The following P2RY14 variants were observed in gnomAD, a reference collection of about 807,000 sequenced individuals.
P2RY14 encodes the protein purinergic receptor P2Y14.
Under a neutral mutation model 0.9 loss-of-function variants are expected in P2RY14, and 2 were observed. That is an observed-to-expected ratio of 2.16 (90% CI 0.88 to 6.79). The LOEUF (loss-of-function observed/expected upper bound fraction) is 6.79. Ranked by LOEUF, P2RY14 falls within the 30% of genes most tolerant of loss-of-function variation. The probability of loss-of-function intolerance (pLI) is 0.05; values close to 1 mark genes in which losing one functional copy is unlikely to be tolerated. For missense variants in P2RY14, 378 were observed against 400.1 expected, an observed-to-expected ratio of 0.94 and a Z score of 0.47; for synonymous variants, 158 against 147.2, an observed-to-expected ratio of 1.07 and a Z score of -0.53.
intron 1 of P2RY14, among the ~76,000 whole-genome samples, chr3:151,233,012 A>G (rs1310289102): frequency 6.6e-6 from 1 of 152,194 alleles, no homozygotes; most frequent in Non-Finnish European, 1.5e-5. Flanking sequence ...ATTACCAGAC[A>G]GTGTATGTGC....
chr3:151,244,190 C>T (rs1734844330), intron 1 of P2RY14, among the ~76,000 whole-genome samples: 1 of 136,566 alleles, frequency 7.3e-6, no homozygotes, highest in African/African-American at 2.6e-5. Flanking sequence ...ATCCCACTGT[C>T]AACATTAGAC....
chr3:151,245,336 A>G (rs374066074), intron 1 of P2RY14, among the ~76,000 whole-genome samples: 17 of 152,006 alleles, frequency 1.1e-4, no homozygotes, highest in East Asian at 5.8e-4. Context: ...TTTTAGACCA[A>G]TATCCTTGAT....
chr3:151,214,019 G>A lies in P2RY14; in HGVS notation c.298C>T (p.Leu100Phe), dbSNP rs771850898. Residue 100 changes from leucine to phenylalanine, a missense_variant, in exon 3 of 3, where the codon CTC (leucine) becomes TTC (phenylalanine). By Grantham distance (22) the Leu-to-Phe change is conservative. Transcript: ENST00000309170. ...CTGACGTACATGTTGACGTAGAAGA[G>A]CACGGCAGAGACCCTGCACACAAAC... ...NVFVCRVSAV[L>F]FYVNMYVSIV... 12 of 1,614,084 alleles carry A rather than the reference G, an allele frequency of 7.4e-6. No homozygotes were observed. In the East Asian group the frequency reaches 2.0e-4, roughly 27 times the overall value.
intron 1 of P2RY14, among the ~76,000 whole-genome samples, chr3:151,221,315 A>G (rs562028691): frequency 2.0e-5 from 3 of 152,252 alleles, no homozygotes; most frequent in Non-Finnish European, 4.4e-5. Context: ...AGAAAATCCC[A>G]TCTTCTGACG....
At chr3:151,271,721 C>A (rs544084863) in intron 1 of P2RY14, among the ~76,000 whole-genome samples, 7 of 151,828 alleles carry the variant, frequency 4.6e-5, no homozygotes, top group Admixed American at 1.3e-4. Context: ...ACATGCTGAG[C>A]AAAACAAGTT....
rs1458742144 is a variant in P2RY14 at position 151,278,308 on chromosome 3, T to TGA, written c.-156_-155dup. On this transcript the variant is annotated 5_prime_UTR_variant, in exon 1 of 3. The change creates a premature stop within an existing upstream ORF in the 5' untranslated region. Coordinates refer to ENST00000309170, the MANE Select transcript of P2RY14 (RefSeq NM_014879.4). ...TTACCTGCGTCTAGGCCTTCATCTG[T>TGA]GAGAGTCATGCTTCACTCATTTTGA... 2 of 152,216 alleles carry TGA rather than the reference T, an allele frequency of 1.3e-5. No homozygotes were observed. Among genetic ancestry groups the TGA allele is most frequent in the Non-Finnish European group, 2.9e-5 (2 of 68,056 alleles). The allele number at this position is 152,216 out of a possible 1,614,324, so 9.4% of individuals were successfully genotyped here. A position where few individuals can be genotyped will look rare whatever the true frequency, so the allele number is the denominator to read the frequency against.
chr3:151,247,962 CTTTTTTT>C (rs61102632), intron 1 of P2RY14, among the ~76,000 whole-genome samples: 39 of 75,900 alleles, frequency 5.1e-4, no homozygotes, highest in African/African-American at 1.2e-3. Context: ...TCTTCTTCTT[CTTTTTTT>C]TTTTTTTTTT....
chr3:151,232,623 A>G (rs1426421025), intron 1 of P2RY14, among the ~76,000 whole-genome samples: 1 of 152,232 alleles, frequency 6.6e-6, no homozygotes, highest in African/African-American at 2.4e-5. Context: ...AAAGAATGAG[A>G]TCATGTCTTG....
At chr3:151,246,351 C>T (rs879358799) in intron 1 of P2RY14, among the ~76,000 whole-genome samples, 36 of 151,996 alleles carry the variant, frequency 2.4e-4, no homozygotes, top group East Asian at 7.7e-4. Flanking sequence ...GGAGGCATCA[C>T]GCTACCTGAC....
chr3:151,220,203 T>C (rs1729072292), intron 1 of P2RY14, among the ~76,000 whole-genome samples: 1 of 150,988 alleles, frequency 6.6e-6, no homozygotes, highest in Non-Finnish European at 1.5e-5. Flanking sequence ...AGGGACAAAA[T>C]TGCCCTCATT....
intron 1 of P2RY14, among the ~76,000 whole-genome samples, chr3:151,249,406 G>T (rs1736409617): frequency 6.6e-6 from 1 of 152,154 alleles, no homozygotes; most frequent in Non-Finnish European, 1.5e-5. Context: ...TAAAACATCT[G>T]CACGTTTCCT....
intron 1 of P2RY14, among the ~76,000 whole-genome samples, chr3:151,239,777 A>G (rs1387874309): frequency 1.3e-5 from 2 of 152,176 alleles, no homozygotes; most frequent in Non-Finnish European, 2.9e-5. Context: ...TATGGTTGTT[A>G]GTTTGCTTGT....
At chr3:151,244,280 A>G (rs1197982556) in intron 1 of P2RY14, among the ~76,000 whole-genome samples, 5 of 130,334 alleles carry the variant, frequency 3.8e-5, no homozygotes, top group Non-Finnish European at 1.7e-5. Context: ...ATAGACATCT[A>G]CAGAACTCTC....
At chr3:151,246,417 A>T (rs1168423338) in intron 1 of P2RY14, among the ~76,000 whole-genome samples, 46 of 152,152 alleles carry the variant, frequency 3.0e-4, no homozygotes, top group Non-Finnish European at 8.8e-5. Context: ...TGGTACCAAA[A>T]CAGAGATATA....
In P2RY14 at chr3:151,240,701, T is replaced by C. The variant is rs530946956; in HGVS notation, c.-132-21059A>G. Reference sequence around the variant, plus strand: ...TTGACTATTTTATACAGTGTGATTATTGCTGCTGTTATGTAAATATCCAGT... The same window carrying C: ...TTGACTATTTTATACAGTGTGATTACTGCTGCTGTTATGTAAATATCCAGT... On this transcript the variant is annotated intron_variant, in intron 1 of 2. Transcript: ENST00000309170. Among the ~76,000 whole-genome samples the C allele has an allele frequency of 5.2e-5, 8 of 152,394 alleles. No homozygotes were observed. The South Asian group carries it at 1.4e-3, about 28-fold the overall frequency.
chr3:151,212,475 G>T lies in P2RY14; in HGVS notation c.*825C>A, dbSNP rs564543786. 3.7e-4 allele frequency: 56 copies of T among 152,032 alleles called. No homozygotes were observed. The highest frequency in any genetic ancestry group is 1.3e-3 in the African/African-American group (56 of 41,482). The allele number at this position is 152,032 out of a possible 1,614,324, so 9.4% of individuals were successfully genotyped here. On this transcript the variant is annotated 3_prime_UTR_variant, in exon 3 of 3. Coordinates refer to ENST00000309170, the MANE Select transcript of P2RY14 (RefSeq NM_014879.4). Reference sequence around the variant, plus strand: ...AGATTAATATATGTTCTACGGTGTGGGTGTGTCTTTTTCCCAGTCATCTTA... The same window carrying T: ...AGATTAATATATGTTCTACGGTGTGTGTGTGTCTTTTTCCCAGTCATCTTA...
chr3:151,263,845 A>G (rs564108804), intron 1 of P2RY14, among the ~76,000 whole-genome samples: 9 of 152,304 alleles, frequency 5.9e-5, no homozygotes, highest in Admixed American at 2.0e-4. Flanking sequence ...TTTACCCCAT[A>G]GGGTTGTGGT....
intron 1 of P2RY14, among the ~76,000 whole-genome samples, chr3:151,262,517 G>A (rs1286891636): frequency 6.6e-6 from 1 of 152,206 alleles, no homozygotes; most frequent in African/African-American, 2.4e-5. Context: ...TCAGCCTTTT[G>A]GAGGTCCCTG....
chr3:151,251,825 G>A (rs1466586312), intron 1 of P2RY14, among the ~76,000 whole-genome samples: 2 of 152,100 alleles, frequency 1.3e-5, no homozygotes, highest in Non-Finnish European at 2.9e-5. Flanking sequence ...AGCTATTTGT[G>A]TACTTGCTTC....
Sources: allele counts gnomAD v4.1 joint callset (sites outside exome capture counted in the v4.1 genomes callset), GRCh38; gene constraint gnomAD v4.1.1; transcripts MANE v1.5; gene names NCBI Gene and HGNC (gene_info 2026-07-23, HGNC 2026-07-21).